HIBADH: variants seen among roughly 807,000 people sequenced by gnomAD.
The protein encoded by HIBADH is 3-hydroxyisobutyrate dehydrogenase, also known as 3-hydroxyisobutyrate dehydrogenase, mitochondrial.
A neutral mutation model predicts 36.1 loss-of-function variants in HIBADH; 25 were observed. That is an observed-to-expected ratio of 0.69 (90% CI 0.50 to 0.97). The LOEUF (loss-of-function observed/expected upper bound fraction) is 0.97. Among genes scored for constraint, HIBADH ranks in the 50% least tolerant of loss-of-function variants. HIBADH has a pLI of 0.00. For missense variants in HIBADH, 421 were observed against 418.0 expected, an observed-to-expected ratio of 1.01 and a Z score of -0.06; for synonymous variants, 160 against 149.5, an observed-to-expected ratio of 1.07 and a Z score of -0.51.
chr7:27,548,191 T>A (rs1447053959), intron 4 of HIBADH, among the ~76,000 whole-genome samples: 1 of 45,478 alleles, frequency 2.2e-5, no homozygotes, highest in African/African-American at 8.5e-5. Flanking sequence ...AGCCTCTCTC[T>A]CTCTTAAAAA....
At position 27,532,467 on chromosome 7, in the gene HIBADH, A is replaced by G. The variant is rs992575457; in HGVS notation, c.696-1119T>C. 2.1e-4 allele frequency among the ~76,000 whole-genome samples: 32 copies of G among 152,246 alleles called. 1 individual carries two copies. The highest frequency in any genetic ancestry group is 1.5e-5 in the Non-Finnish European group (1 of 68,036). On this transcript the variant is annotated intron_variant, in intron 6 of 7. Transcript: ENST00000265395. ...TCTAAAACACATGCCTGTTTATTTC[A>G]AAATCTGAATATCATGGCCAATAAA... is the stretch of plus-strand genomic sequence containing the variant.
At chr7:27,567,037 G>C (rs1169574762) in intron 4 of HIBADH, among the ~76,000 whole-genome samples, 1 of 152,060 alleles carries the variant, frequency 6.6e-6, no homozygotes, top group Admixed American at 6.5e-5. Flanking sequence ...ATGTCAATTA[G>C]GTTCATTTGA....
rs538489160 is a variant in HIBADH, at chr7:27,611,825, T to G, written c.484+17546A>C. The stretch of plus-strand genomic sequence containing the variant: ...TAAATGTTCCATGAACACACCAAGC[T>G]AGTTCAATGCCTCAGAGCCCTTACA... On this transcript the variant is annotated intron_variant, in intron 4 of 7. Coordinates refer to ENST00000265395, the MANE Select transcript of HIBADH (RefSeq NM_152740.4). Among the ~76,000 whole-genome samples, 4 of 152,310 alleles carry G rather than the reference T, an allele frequency of 2.6e-5. No homozygotes were observed. In the South Asian group the frequency reaches 8.3e-4, roughly 32 times the overall value.
chr7:27,616,564 C>T (rs1474956860), intron 4 of HIBADH, among the ~76,000 whole-genome samples: 3 of 152,092 alleles, frequency 2.0e-5, no homozygotes, highest in Non-Finnish European at 4.4e-5. Flanking sequence ...CAGGCTCAAT[C>T]GACTCTCCCA....
At chr7:27,659,230 A>G (rs1407351244) in intron 1 of HIBADH, among the ~76,000 whole-genome samples, 1 of 152,264 alleles carries the variant, frequency 6.6e-6, no homozygotes, top group Non-Finnish European at 1.5e-5. Flanking sequence ...TACAAGCTGT[A>G]GAGTCACAAC....
intron 4 of HIBADH, among the ~76,000 whole-genome samples, chr7:27,623,897 A>C (rs1479403083): frequency 6.6e-6 from 1 of 152,180 alleles, no homozygotes; most frequent in Admixed American, 6.5e-5. Context: ...TCCCGAGCTC[A>C]AGTGATTCTC....
chr7:27,548,393 G>C (rs1439491421), intron 4 of HIBADH, among the ~76,000 whole-genome samples: 1 of 151,950 alleles, frequency 6.6e-6, no homozygotes, highest in Admixed American at 6.6e-5. Flanking sequence ...ATGGTTGGGG[G>C]GAGGGAGAAG....
In HIBADH at chr7:27,565,332, T is replaced by C. The variant is rs369516052; in HGVS notation, c.485-22232A>G. Among the ~76,000 whole-genome samples, 61 of 152,304 alleles carry C rather than the reference T, an allele frequency of 4.0e-4. No homozygotes were observed. In the South Asian group the frequency reaches 0.013, roughly 32 times the overall value. On this transcript the variant is annotated intron_variant, in intron 4 of 7. Transcript: ENST00000265395. ...CCTGATCGACCCTGATGCATCCCCA[T>C]ATGGCCTTGTGTGGTGTGACACGGC...
At chr7:27,647,701 A>G in intron 2 of HIBADH, 1 of 419,486 alleles carries the variant, frequency 2.4e-6, no homozygotes, top group Non-Finnish European at 5.0e-6. Flanking sequence ...AAGAAATAAG[A>G]AACTTGTTGG....
At chr7:27,613,141 AATATATT>A (rs1785356988) in intron 4 of HIBADH, among the ~76,000 whole-genome samples, 1 of 118,746 alleles carries the variant, frequency 8.4e-6, no homozygotes, top group Non-Finnish European at 1.7e-5. Flanking sequence ...TATTTATATA[AATATATT>A]TTATATAAAT....
intron 7 of HIBADH, among the ~76,000 whole-genome samples, chr7:27,530,226 G>C (rs1157487557): frequency 2.0e-5 from 3 of 151,200 alleles, no homozygotes; most frequent in African/African-American, 7.3e-5. Flanking sequence ...TTCTATTTGA[G>C]ACGAAGTCTC....
chr7:27,597,714 ATGC>A (rs558958591), intron 4 of HIBADH, among the ~76,000 whole-genome samples: 16 of 152,208 alleles, frequency 1.1e-4, no homozygotes, highest in Non-Finnish European at 2.1e-4. Flanking sequence ...AAGACTGCAG[ATGC>A]TGCTGCTATC....
chr7:27,613,017 T>C (rs1785349724), intron 4 of HIBADH, among the ~76,000 whole-genome samples: 2 of 134,324 alleles, frequency 1.5e-5, no homozygotes, highest in East Asian at 2.0e-4. Flanking sequence ...TATCCAAAAA[T>C]ATATATATTA....
At chr7:27,631,839 G>T (rs1427549917) in intron 3 of HIBADH, among the ~76,000 whole-genome samples, 1 of 152,140 alleles carries the variant, frequency 6.6e-6, no homozygotes, top group African/African-American at 2.4e-5. Flanking sequence ...GACATAAATG[G>T]GTTAAAGAGC....
chr7:27,629,639 G>A (rs1243336339), intron 3 of HIBADH, 147 bp from the exon 4 acceptor site: 3 of 495,660 alleles, frequency 6.1e-6, no homozygotes, highest in Non-Finnish European at 1.0e-5. Context: ...ATTAGAACAC[G>A]TTTAAAAATC....
At chr7:27,527,750 A>G (rs1783924974) in intron 7 of HIBADH, among the ~76,000 whole-genome samples, 2 of 72,222 alleles carry the variant, frequency 2.8e-5, no homozygotes, top group Non-Finnish European at 5.0e-5. Flanking sequence ...GCAATCAATC[A>G]GTAACTTTTT....
chr7:27,640,738 A>T (rs772435267), intron 2 of HIBADH, among the ~76,000 whole-genome samples: 32 of 152,212 alleles, frequency 2.1e-4, no homozygotes, highest in Non-Finnish European at 3.7e-4. Context: ...GAGCACTTAC[A>T]GACCTTCATG....
chr7:27,619,448 C>A (rs1047724048), intron 4 of HIBADH, among the ~76,000 whole-genome samples: 1 of 152,246 alleles, frequency 6.6e-6, no homozygotes, highest in South Asian at 2.1e-4. Flanking sequence ...AACAATTCTA[C>A]AACAATATAT....
intron 1 of HIBADH, among the ~76,000 whole-genome samples, chr7:27,659,844 C>T (rs533316067): frequency 1.0e-3 from 154 of 152,300 alleles, no homozygotes; most frequent in Non-Finnish European, 1.2e-3. Context: ...GATGGCTTCA[C>T]GCCAGTAGTT....
Sources: gnomAD v4.1 joint callset for allele counts (sites outside exome capture counted in the v4.1 genomes callset) on GRCh38, gnomAD v4.1.1 for gene constraint, MANE v1.5 for transcripts, NCBI Gene and HGNC (gene_info 2026-07-23, HGNC 2026-07-21) for gene names.